The following C2CD5 variants were observed in gnomAD, a reference collection of about 807,000 sequenced individuals.
The protein encoded by C2CD5 is C2 domain-containing protein 5.
A neutral mutation model predicts 130.3 loss-of-function variants in C2CD5; 109 were observed. That is an observed-to-expected ratio of 0.84 (90% confidence interval 0.72 to 0.98). The LOEUF (loss-of-function observed/expected upper bound fraction) is 0.98, where lower values mean the gene tolerates loss of function less well. C2CD5 is among the 50% of genes least tolerant of loss of function. The pLI, the probability that C2CD5 is intolerant of heterozygous loss-of-function variation, is 0.00. For synonymous variants in C2CD5, 454 were observed against 429.2 expected, an observed-to-expected ratio of 1.06 and a Z score of -0.71; for missense variants, 996 against 1,261.8, an observed-to-expected ratio of 0.79 and a Z score of 3.19.
chr12:22,540,796 T>C (rs570501159), intron 2 of C2CD5, among the ~76,000 whole-genome samples: 43 of 152,266 alleles, frequency 2.8e-4, no homozygotes, highest in African/African-American at 9.9e-4. Flanking sequence ...GTGACGGAAG[T>C]TGCAGTGAGC....
rs1235674648 is a variant in C2CD5, at chr12:22,485,134, G to T, written c.1359-246C>A. 3.9e-5 allele frequency among the ~76,000 whole-genome samples: 6 copies of T among 152,114 alleles called. No individual in the cohort carries two copies. In the East Asian group the frequency reaches 9.7e-4, roughly 24 times the overall value. ...AAAGTCATTTTGCACCAATTTATTT[G>T]TTTGATGACTTACCACCTGACAAAC... On this transcript the variant is annotated intron_variant, in intron 12 of 26. Coordinates refer to ENST00000446597, the MANE Select transcript of C2CD5 (RefSeq NM_001286176.2).
chr12:22,534,149 T>C (rs6487311), intron 3 of C2CD5, among the ~76,000 whole-genome samples: 148,926 of 152,326 alleles, frequency 0.98, 72,881 homozygotes, highest in Middle Eastern at 1. Context: ...GATCGCACCA[T>C]TGCACTCCAG....
intron 6 of C2CD5, 70 bp downstream of exon 6, chr12:22,524,402 T>TG (rs1950555256): frequency 1.6e-6 from 2 of 1,287,202 alleles, no homozygotes; most frequent in Non-Finnish European, 2.2e-6. Flanking sequence ...TGAGGTAGCA[T>TG]GTCAAAGGAA....
chr12:22,480,385 A>C (rs1297509547), intron 14 of C2CD5, among the ~76,000 whole-genome samples: 4 of 152,206 alleles, frequency 2.6e-5, no homozygotes, highest in African/African-American at 9.6e-5. Flanking sequence ...ATCAGAGATC[A>C]CCTAAGAAAG....
intron 7 of C2CD5, among the ~76,000 whole-genome samples, chr12:22,518,806 G>A (rs749846939): frequency 3.8e-4 from 58 of 152,284 alleles, no homozygotes; most frequent in Middle Eastern, 6.8e-3. Context: ...TTAAACAAAT[G>A]CAGAAATAAT....
intron 10 of C2CD5, among the ~76,000 whole-genome samples, chr12:22,503,234 G>A (rs142286225): frequency 6.0e-4 from 92 of 152,218 alleles, no homozygotes; most frequent in African/African-American, 2.0e-3. Flanking sequence ...AAACTCATTT[G>A]AGAATGCAAA....
chr12:22,512,881 A>T (rs1949344338), intron 9 of C2CD5, among the ~76,000 whole-genome samples: 1 of 151,994 alleles, frequency 6.6e-6, no homozygotes, highest in African/African-American at 2.4e-5. Flanking sequence ...TTCCTAAGAG[A>T]TTGGTCAATG....
chr12:22,524,642 T>A lies in C2CD5; in HGVS notation c.446-15A>T. ...AATAGACGTTGCTGTTAAAACAAAT[T>A]ATTATGCTTCTGTTTATCAAAAGGT... On this transcript the variant is annotated splice_polypyrimidine_tract_variant and intron_variant, in intron 5 of 26. Coordinates refer to ENST00000446597, the MANE Select transcript of C2CD5 (RefSeq NM_001286176.2). 1 of 1,596,264 alleles carries A rather than the reference T, an allele frequency of 6.3e-7. No homozygotes were observed.
At chr12:22,477,515 T>A (rs923195810) in intron 15 of C2CD5, among the ~76,000 whole-genome samples, 1 of 152,214 alleles carries the variant, frequency 6.6e-6, no homozygotes, top group South Asian at 2.1e-4. Flanking sequence ...TTTCTTTTTT[T>A]ATTTTTTTAA....
chr12:22,497,645 A>AC, intron 10 of C2CD5: 1 of 908,778 alleles, frequency 1.1e-6, no homozygotes, highest in Non-Finnish European at 1.3e-6. Flanking sequence ...AAAAGAAATT[A>AC]GAGAGTTCAG....
intron 10 of C2CD5, among the ~76,000 whole-genome samples, chr12:22,500,368 G>T (rs970210706): frequency 6.6e-6 from 1 of 152,050 alleles, no homozygotes; most frequent in South Asian, 2.1e-4. Flanking sequence ...ACATTGTTTT[G>T]TAAATGCTAG....
At position 22,475,872 on chromosome 12, in the gene C2CD5, TA is replaced by T. The variant is rs944700392; in HGVS notation, c.1903-982del. Among the ~76,000 whole-genome samples, 124 of 152,260 alleles carry T rather than the reference TA, an allele frequency of 8.1e-4. 1 individual carries two copies. The highest frequency in any genetic ancestry group is 2.8e-3 in the African/African-American group (116 of 41,572). On this transcript the variant is annotated intron_variant, in intron 15 of 26. Transcript: ENST00000446597. ...TTCAGAAGTAAATTAGTAGTCTGCC[TA>T]AATTTGGAAAACTAGCAAGTGTAGA... is the stretch of plus-strand genomic sequence containing the variant.
In C2CD5 at chr12:22,472,078, T is replaced by C. The variant is rs1943126383; in HGVS notation, c.2170-13A>G. Reference sequence around the variant, plus strand: ...CTGAAGTGAACATCTAAATGTGGGGTGACATAACATGTCATTTTATTATTT... The same window carrying C: ...CTGAAGTGAACATCTAAATGTGGGGCGACATAACATGTCATTTTATTATTT... On this transcript the variant is annotated splice_polypyrimidine_tract_variant and intron_variant, in intron 18 of 26. Transcript: ENST00000446597. 5 of 1,364,404 alleles carry C rather than the reference T, an allele frequency of 3.7e-6. No homozygotes were observed. Among genetic ancestry groups the C allele is most frequent in the South Asian group, 1.2e-5 (1 of 81,740 alleles). 84.5% of individuals were successfully genotyped at this position (1,364,404 alleles called of 1,614,324 possible).
At chr12:22,539,111 T>C (rs1485728866) in intron 2 of C2CD5, among the ~76,000 whole-genome samples, 2 of 152,182 alleles carry the variant, frequency 1.3e-5, no homozygotes, top group Non-Finnish European at 2.9e-5. Context: ...CTTGAAACAG[T>C]TGCCTATTCA....
At chr12:22,515,210 C>A in intron 8 of C2CD5, 1 of 784,118 alleles carries the variant, frequency 1.3e-6, no homozygotes, top group Admixed American at 6.3e-5. Flanking sequence ...AAAATGCAGG[C>A]TAAGGAAAGC....
intron 25 of C2CD5, 146 bp from the exon 26 acceptor site, chr12:22,454,188 T>A: frequency 1.6e-6 from 1 of 620,086 alleles, no homozygotes; most frequent in East Asian, 2.9e-5. Context: ...CAATGGGGAT[T>A]TACTGCATGA....
intron 2 of C2CD5, among the ~76,000 whole-genome samples, chr12:22,541,629 A>T (rs968640853): frequency 7.9e-5 from 12 of 152,056 alleles, no homozygotes; most frequent in Admixed American, 7.9e-4. Flanking sequence ...CCCTACACAC[A>T]CAAATATGCT....
intron 3 of C2CD5, among the ~76,000 whole-genome samples, chr12:22,531,705 C>A (rs1335961010): frequency 6.6e-6 from 1 of 152,112 alleles, no homozygotes; most frequent in African/African-American, 2.4e-5. Flanking sequence ...ATAACTGAGT[C>A]CTTTTGACAG....
intron 26 of C2CD5, among the ~76,000 whole-genome samples, chr12:22,450,613 GAA>G (rs1312663559): frequency 6.6e-6 from 1 of 151,752 alleles, no homozygotes; most frequent in Non-Finnish European, 1.5e-5. Context: ...TTTATATAAA[GAA>G]TATGCAAAAT....
Sources: gnomAD v4.1 joint callset for allele counts (sites outside exome capture counted in the v4.1 genomes callset) on GRCh38, gnomAD v4.1.1 for gene constraint, MANE v1.5 for transcripts, NCBI Gene and HGNC (gene_info 2026-07-23, HGNC 2026-07-21) for gene names.